The following ADPRHL1 variants were observed in gnomAD, a reference collection of about 807,000 sequenced individuals.
The protein encoded by ADPRHL1 is ADP-ribosylhydrolase like 1.
ADPRHL1 carries 43 observed loss-of-function variants against 44.1 expected under a neutral mutation model. That is an observed-to-expected ratio of 0.98 (90% CI 0.76 to 1.26). ADPRHL1 has a LOEUF of 1.26. ADPRHL1 is among the 50% of genes most tolerant of loss of function. The pLI is 0.00. For missense variants in ADPRHL1, 2,022 were observed against 2,496.9 expected, an observed-to-expected ratio of 0.81 and a Z score of 4.05; for synonymous variants, 878 against 1,017.4, an observed-to-expected ratio of 0.86 and a Z score of 2.61.
At position 113,405,463 on chromosome 13, in the gene ADPRHL1, T is replaced by G; in HGVS notation, c.3819A>C (p.Ala1273=). Residue 1273 remains alanine (A), a synonymous_variant, in exon 8 of 8, where the codon GCA becomes GCC. Coordinates refer to ENST00000612156, the MANE Select transcript of ADPRHL1 (RefSeq NM_001394807.1). The stretch of plus-strand genomic sequence containing the variant: ...AGCTGGGGGACTCTGCCACGCTCCT[T>G]GCCTGTGGCCTAGGATGATCAGAAG... The part of the protein sequence containing the change: ...IPASDHPRPQ[A]RSVAESPSYG... 1 of 1,231,980 alleles carries G rather than the reference T, an allele frequency of 8.1e-7. No individual in the cohort carries two copies. The highest frequency in any genetic ancestry group is 1.0e-6 in the Non-Finnish European group (1 of 988,152). The allele number at this position is 1,231,980 out of a possible 1,614,324, so 76.3% of individuals were successfully genotyped here.
At chr13:113,445,161 C>T (rs1315291883) in intron 1 of ADPRHL1, among the ~76,000 whole-genome samples, 1 of 152,228 alleles carries the variant, frequency 6.6e-6, no homozygotes, top group Non-Finnish European at 1.5e-5. Context: ...CCCTGGGGCA[C>T]GAGGGTGAAG....
Position 113,402,972 on chromosome 13 carries a change from C to G in ADPRHL1, c.*406G>C, listed in dbSNP as rs1294491500. ...GGGCAGGGAGCAGTGGGAGGTGGCC[C>G]TGTGAGAGCTGGGGAGGTGTCCCAA... On this transcript the variant is annotated 3_prime_UTR_variant, in exon 8 of 8. Transcript: ENST00000612156. 6.4e-6 allele frequency: 1 copy of G among 157,002 alleles called. No individual in the cohort carries two copies. Among genetic ancestry groups the G allele is most frequent in the Non-Finnish European group, 1.4e-5 (1 of 71,610 alleles). 9.7% of individuals were successfully genotyped at this position (157,002 alleles called of 1,614,324 possible). A position where few individuals can be genotyped will look rare whatever the true frequency, so the allele number is the denominator to read the frequency against.
In ADPRHL1 at chr13:113,409,702, C is replaced by T. The variant is rs140328460; in HGVS notation, c.1062-1482G>A. The T allele has an allele frequency of 2.2e-5, 17 of 761,638 alleles. No individual in the cohort carries two copies. The South Asian group carries it at 3.6e-4, about 16-fold the overall frequency. 47.2% of individuals were successfully genotyped at this position (761,638 alleles called of 1,614,324 possible). A position where few individuals can be genotyped will look rare whatever the true frequency, so the allele number is the denominator to read the frequency against. On this transcript the variant is annotated intron_variant, in intron 7 of 7. Transcript: ENST00000612156. This position sits in a 1 kb window ranked among gnomAD's most constrained non-coding sequence, Gnocchi z 4.2. ...GAGATCGAGACCATCCTGGATAACA[C>T]GGTGAAACCCCGTCTCTACTAAAGA...
rs114581555 is a variant in ADPRHL1 at position 113,409,271 on chromosome 13, C to A, written c.1062-1051G>T. On this transcript the variant is annotated intron_variant, in intron 7 of 7. Transcript: ENST00000612156. This position sits in a 1 kb window ranked among gnomAD's most constrained non-coding sequence, Gnocchi z 4.2. ...CAGGAGCAAAGCTGGAAGGTCTCCC[C>A]ATCTGTGGCAGGGGGTGGAGCCGTC... is the stretch of plus-strand genomic sequence containing the variant. The A allele has an allele frequency of 1.1e-3, 1,109 of 984,938 alleles. 7 individuals are homozygous for A. In the African/African-American group the frequency reaches 0.018, roughly 16 times the overall value. The allele number at this position is 984,938 out of a possible 1,614,324, so 61.0% of individuals were successfully genotyped here.
chr13:113,419,009 T>TC (rs2043900955), intron 7 of ADPRHL1, among the ~76,000 whole-genome samples: 1 of 148,920 alleles, frequency 6.7e-6, no homozygotes, highest in Non-Finnish European at 1.5e-5. Context: ...CCTTCCTCCC[T>TC]CCCTTCCTTC....
At chr13:113,436,999 T>C (rs1230935545) in intron 2 of ADPRHL1, among the ~76,000 whole-genome samples, 22 of 92,324 alleles carry the variant, frequency 2.4e-4, no homozygotes, top group African/African-American at 4.8e-4. Context: ...AGCACCCAGG[T>C]GTAGAGTGAG....
At chr13:113,431,123 CGGCGCCATT>C (rs1009061896) in intron 3 of ADPRHL1, among the ~76,000 whole-genome samples, 4 of 152,206 alleles carry the variant, frequency 2.6e-5, no homozygotes, top group African/African-American at 9.7e-5. Flanking sequence ...CCTGCTGTCA[CGGCGCCATT>C]GGCCAGAGGC....
chr13:113,431,684 A>C (rs932729363), intron 3 of ADPRHL1, among the ~76,000 whole-genome samples: 26 of 152,244 alleles, frequency 1.7e-4, no homozygotes, highest in African/African-American at 6.0e-4. Flanking sequence ...TCATTATCAT[A>C]GAATATATAA....
At chr13:113,440,662 C>T (rs1451985742) in intron 2 of ADPRHL1, among the ~76,000 whole-genome samples, 1 of 151,964 alleles carries the variant, frequency 6.6e-6, no homozygotes, top group African/African-American at 2.4e-5. Context: ...ACTATGTTGG[C>T]CAGGCTGGTC....
intron 7 of ADPRHL1, among the ~76,000 whole-genome samples, chr13:113,419,025 T>TTCCCCGTCCCC (rs2043901253): frequency 6.6e-6 from 1 of 151,352 alleles, no homozygotes. Context: ...CCTTCCTTTC[T>TTCCCCGTCCCC]TCCCCTTCCC....
chr13:113,415,021 G>T (rs567692428), intron 7 of ADPRHL1, among the ~76,000 whole-genome samples: 1 of 152,064 alleles, frequency 6.6e-6, no homozygotes, highest in South Asian at 2.1e-4. Flanking sequence ...ATTTTCCCCT[G>T]AAGCCATGAA....
Position 113,403,476 on chromosome 13 carries a change from T to G in ADPRHL1, c.5806A>C (p.Lys1936Gln). 8.1e-7 allele frequency: 1 copy of G among 1,232,098 alleles called. No homozygotes were observed. Among genetic ancestry groups the G allele is most frequent in the Non-Finnish European group, 1.0e-6 (1 of 988,010 alleles). The allele number at this position is 1,232,098 out of a possible 1,614,324, so 76.3% of individuals were successfully genotyped here. ...TCACGGAAGCTCTGGGCTTTGTACT[T>G]GGCCAGGTGCCTGGACCTCCCGCGA... ...ERRGRSRHLA[K>Q]YKAQSFRDQR... The change falls in exon 8 of 8, where the codon AAG becomes CAG. Residue 1936 changes from lysine (K) to glutamine (Q), a missense_variant. Transcript: ENST00000612156.
In ADPRHL1 at chr13:113,407,164, G is replaced by A; in HGVS notation, c.2118C>T (p.Ala706=). The A allele has an allele frequency of 1.6e-6, 2 of 1,232,256 alleles. No individual in the cohort carries two copies. The highest frequency in any genetic ancestry group is 2.0e-6 in the Non-Finnish European group (2 of 988,050). The allele number at this position is 1,232,256 out of a possible 1,614,324, so 76.3% of individuals were successfully genotyped here. A position where few individuals can be genotyped will look rare whatever the true frequency, so the allele number is the denominator to read the frequency against. ...CACCTGTGCAGGGAGCACAAGAGAA[G>A]GCCAGCGAGGGGACAGCGTGGCCGT... The part of the protein sequence containing the change: ...QRDGHAVPSL[A]FSCAPCTGGV... Residue 706 remains alanine, a synonymous_variant, in exon 8 of 8, where the codon GCC becomes GCT. Transcript: ENST00000612156.
chr13:113,423,634 A>G (rs868089779), intron 6 of ADPRHL1, among the ~76,000 whole-genome samples: 1 of 152,234 alleles, frequency 6.6e-6, no homozygotes, highest in African/African-American at 2.4e-5. Flanking sequence ...GGTTGACCTT[A>G]CGGGTAGGAG....
Position 113,405,274 on chromosome 13 carries a change from G to T in ADPRHL1, c.4008C>A (p.Pro1336=). The part of the protein sequence containing the change: ...WVGGTHQRGP[P]HLQAHLPPTA... ...TAGGGGGCAGGTGTGCCTGTAGATG[G>T]GGAGGGCCCCGCTGGTGGGTGCCAC... is the stretch of plus-strand genomic sequence containing the variant. The change falls in exon 8 of 8, where the codon CCC becomes CCA. Residue 1336 remains proline, a synonymous_variant. Transcript: ENST00000612156. 2 of 1,231,932 alleles carry T rather than the reference G, an allele frequency of 1.6e-6. No homozygotes were observed. The highest frequency in any genetic ancestry group is 2.0e-6 in the Non-Finnish European group (2 of 988,126). 76.3% of individuals were successfully genotyped at this position (1,231,932 alleles called of 1,614,324 possible). A position where few individuals can be genotyped will look rare whatever the true frequency, so the allele number is the denominator to read the frequency against.
intron 6 of ADPRHL1, among the ~76,000 whole-genome samples, chr13:113,423,836 A>G (rs2043943987): frequency 1.3e-5 from 2 of 152,300 alleles, no homozygotes; most frequent in South Asian, 4.1e-4. Context: ...TTGGAATGGA[A>G]CCCTGTGAAG....
rs2043802741 is a variant in ADPRHL1, at chr13:113,405,633, C to T, written c.3649G>A (p.Ala1217Thr). 1.6e-6 allele frequency: 2 copies of T among 1,232,680 alleles called. No homozygotes were observed. The highest frequency in any genetic ancestry group is 2.0e-6 in the Non-Finnish European group (2 of 988,870). The allele number at this position is 1,232,680 out of a possible 1,614,324, so 76.4% of individuals were successfully genotyped here. A position where few individuals can be genotyped will look rare whatever the true frequency, so the allele number is the denominator to read the frequency against. ...GCCGCCTCTGGGTGCCGGGCGAGGG[C>T]CGCAGCATCCTCCGGGTGGCGGGCG... Reference protein sequence around the residue: ...TLARHPEDAAALARHPEAARL... With the variant: ...TLARHPEDAATLARHPEAARL... Residue 1217 changes from alanine (A) to threonine (T), a missense_variant, in exon 8 of 8, where the codon GCC becomes ACC. Physicochemically the swap from Ala to Thr is moderately conservative, Grantham distance 58 (BLOSUM62 0). This residue lies in a region of ADPRHL1 where 1,221 missense variants were observed against 1,517.8 expected (regional missense o/e 0.80). Coordinates refer to ENST00000612156, the MANE Select transcript of ADPRHL1 (RefSeq NM_001394807.1).
chr13:113,431,289 G>A (rs552266539), intron 3 of ADPRHL1, among the ~76,000 whole-genome samples: 4 of 152,340 alleles, frequency 2.6e-5, no homozygotes, highest in African/African-American at 4.8e-5. Context: ...CAACACGGCC[G>A]CTACATGGAG....
intron 1 of ADPRHL1, among the ~76,000 whole-genome samples, chr13:113,451,895 T>C (rs2044181521): frequency 6.6e-6 from 1 of 152,226 alleles, no homozygotes; most frequent in Non-Finnish European, 1.5e-5. Flanking sequence ...TCTCCGTCGG[T>C]GCACTTTTGG....
Sources: gnomAD v4.1 joint callset for allele counts (sites outside exome capture counted in the v4.1 genomes callset) on GRCh38, gnomAD v4.1.1 for gene constraint, gnomAD v4.1.1 regional missense constraint, Gnocchi (gnomAD v3.1) non-coding constraint, MANE v1.5 for transcripts, NCBI Gene and HGNC (gene_info 2026-07-23, HGNC 2026-07-21) for gene names.